The following PTPRD variants were observed in gnomAD, a reference collection of about 807,000 sequenced individuals.
PTPRD encodes the protein receptor-type tyrosine-protein phosphatase delta.
PTPRD carries 34 observed loss-of-function variants against 214.5 expected under a neutral mutation model. The ratio of observed to expected loss-of-function variants is 0.16; its 90% CI spans 0.12 to 0.21. The LOEUF (loss-of-function observed/expected upper bound fraction) is 0.21, where lower values mean the gene tolerates loss of function less well. PTPRD is among the 10% of genes least tolerant of loss of function. The pLI is 1.00. For synonymous variants in PTPRD, 1,128 were observed against 845.7 expected, an observed-to-expected ratio of 1.33 and a Z score of -5.79; for missense variants, 2,545 against 2,398.7, an observed-to-expected ratio of 1.06 and a Z score of -1.27.
Position 9,955,885 on chromosome 9 carries a change from T to C in PTPRD, c.-471-17275A>G, listed in dbSNP as rs150444083. Among the ~76,000 whole-genome samples, 110 of 152,288 alleles carry C rather than the reference T, an allele frequency of 7.2e-4. 1 individual carries two copies. The East Asian group carries it at 0.019, about 26-fold the overall frequency. ...ATAACAAAGATTTTCCAAAACTTAA[T>C]GTAACTACATGTTCCTGAAACAGTA... is the stretch of plus-strand genomic sequence containing the variant. On this transcript the variant is annotated intron_variant, in intron 4 of 45. Transcript: ENST00000381196.
intron 2 of PTPRD, among the ~76,000 whole-genome samples, chr9:10,475,812 G>A (rs1327030059): frequency 6.6e-6 from 1 of 152,046 alleles, no homozygotes; most frequent in African/African-American, 2.4e-5. Flanking sequence ...CAGGATGCAA[G>A]GCTGGTTCAA....
At chr9:8,338,855 G>GAGAGAGAC in intron 43 of PTPRD, 67 bp downstream of exon 43, 1 of 1,484,740 alleles carries the variant, frequency 6.7e-7, no homozygotes, top group Non-Finnish European at 9.1e-7. Flanking sequence ...CCCAGAGAGA[G>GAGAGAGAC]AGAGAGAGAG....
At chr9:8,757,213 A>C (rs1173702666) in intron 11 of PTPRD, among the ~76,000 whole-genome samples, 1 of 152,208 alleles carries the variant, frequency 6.6e-6, no homozygotes, top group Non-Finnish European at 1.5e-5. Context: ...AATACATGTT[A>C]GACAAACAAA....
At chr9:9,450,118 G>T (rs1039451636) in intron 8 of PTPRD, among the ~76,000 whole-genome samples, 6 of 32,120 alleles carry the variant, frequency 1.9e-4, no homozygotes, top group Non-Finnish European at 4.5e-4. Flanking sequence ...GTGTGTGTGT[G>T]TCTGTGTGTG....
chr9:8,521,284 A>T lies in PTPRD; in HGVS notation c.954T>A (p.Thr318=), dbSNP rs1158773424. 5 of 1,612,226 alleles carry T rather than the reference A, an allele frequency of 3.1e-6. No individual in the cohort carries two copies. The highest frequency in any genetic ancestry group is 3.3e-5 in the Admixed American group (2 of 59,942). The change falls in exon 20 of 46, where the codon ACT becomes ACA. Residue 318 remains threonine (T), a synonymous_variant. Coordinates refer to ENST00000381196, the MANE Select transcript of PTPRD (RefSeq NM_002839.4). ...LGVIEAIAQI[T]VKALPKPPGT... ...ATAATCCATTGAGCATACCTTTGACAGTGATCTGTGCTATTGCTTCAATGA... is the reference window on the plus strand; with the variant it reads ...ATAATCCATTGAGCATACCTTTGACTGTGATCTGTGCTATTGCTTCAATGA...
chr9:10,156,574 G>A (rs961556386), intron 3 of PTPRD, among the ~76,000 whole-genome samples: 21 of 152,306 alleles, frequency 1.4e-4, no homozygotes, highest in African/African-American at 5.1e-4. Context: ...CTATTTTAGA[G>A]TATATGCCCT....
chr9:8,392,354 T>C (rs1478425031), intron 36 of PTPRD, among the ~76,000 whole-genome samples: 3 of 152,028 alleles, frequency 2.0e-5, no homozygotes, highest in Non-Finnish European at 4.4e-5. Context: ...AAAGAGACCC[T>C]GTCTCTACAA....
intron 44 of PTPRD, among the ~76,000 whole-genome samples, chr9:8,329,426 G>A (rs1004775120): frequency 6.6e-6 from 1 of 152,088 alleles, no homozygotes; most frequent in African/African-American, 2.4e-5. Flanking sequence ...GCCAGCCAGT[G>A]TTCTCCTGTA....
intron 8 of PTPRD, among the ~76,000 whole-genome samples, chr9:9,566,726 G>A (rs1052175279): frequency 1.3e-4 from 20 of 152,002 alleles, no homozygotes; most frequent in Admixed American, 1.2e-3. Context: ...ATATTTCATA[G>A]ATCATCCTTT....
At chr9:8,344,912 G>A (rs1856082798) in intron 39 of PTPRD, among the ~76,000 whole-genome samples, 1 of 55,398 alleles carries the variant, frequency 1.8e-5, no homozygotes, top group Non-Finnish European at 7.7e-5. Flanking sequence ...CAAGTGTTTT[G>A]CAAACATAAT....
intron 3 of PTPRD, among the ~76,000 whole-genome samples, chr9:10,149,140 T>C (rs1013914391): frequency 1.3e-5 from 2 of 152,334 alleles, no homozygotes; most frequent in African/African-American, 4.8e-5. Context: ...AGGAGCAGTA[T>C]TCATATTACT....
chr9:8,563,784 C>T (rs2087558342), intron 14 of PTPRD, among the ~76,000 whole-genome samples: 1 of 152,094 alleles, frequency 6.6e-6, no homozygotes, highest in African/African-American at 2.4e-5. Flanking sequence ...GCCTCAGCCT[C>T]CAGAGTAGCT....
At chr9:10,359,378 A>C (rs896883569) in intron 2 of PTPRD, among the ~76,000 whole-genome samples, 1 of 151,984 alleles carries the variant, frequency 6.6e-6, no homozygotes, top group Non-Finnish European at 1.5e-5. Context: ...TTTACTCCCC[A>C]GTTGTAAATA....
intron 14 of PTPRD, 128 bp from the exon 15 acceptor site, chr9:8,528,907 A>T: frequency 1.2e-6 from 1 of 827,610 alleles, no homozygotes; most frequent in Non-Finnish European, 1.9e-6. Flanking sequence ...CCAGGCACTA[A>T]TAAATTAGAA....
At chr9:10,556,944 G>A (rs371799652) in intron 2 of PTPRD, among the ~76,000 whole-genome samples, 4 of 152,046 alleles carry the variant, frequency 2.6e-5, no homozygotes, top group African/African-American at 7.2e-5. Context: ...GTAAGTACAA[G>A]TAATATATCA....
intron 10 of PTPRD, among the ~76,000 whole-genome samples, chr9:9,130,371 T>C (rs1327867337): frequency 1.3e-5 from 2 of 152,202 alleles, no homozygotes; most frequent in Non-Finnish European, 2.9e-5. Context: ...TTAAGTTTCA[T>C]TGGAATTCCA....
At chr9:8,485,395 C>A (rs1007493241) in intron 28 of PTPRD, 71 bp from the exon 29 acceptor site, 1 of 1,048,334 alleles carries the variant, frequency 9.5e-7, no homozygotes, top group South Asian at 1.4e-5. Context: ...CCACCATGGA[C>A]CATAGGGGCT....
At chr9:9,590,262 G>C (rs1335027218) in intron 7 of PTPRD, among the ~76,000 whole-genome samples, 1 of 151,610 alleles carries the variant, frequency 6.6e-6, no homozygotes, top group Non-Finnish European at 1.5e-5. Context: ...TCTGTATTAT[G>C]ACAGAATGTG....
chr9:8,781,297 C>G (rs2095686114), intron 11 of PTPRD, among the ~76,000 whole-genome samples: 1 of 152,132 alleles, frequency 6.6e-6, no homozygotes, highest in African/African-American at 2.4e-5. Context: ...TTTGGCAACT[C>G]CTCCAGAAGG....
Sources: allele counts gnomAD v4.1 joint callset (sites outside exome capture counted in the v4.1 genomes callset), GRCh38; gene constraint gnomAD v4.1.1; transcripts MANE v1.5; gene names NCBI Gene and HGNC (gene_info 2026-07-23, HGNC 2026-07-21).